The following NPSR1 variants were observed in gnomAD, a reference collection of about 807,000 sequenced individuals.
The protein encoded by NPSR1 is neuropeptide S receptor 1.
In NPSR1, 48 loss-of-function variants were observed where a neutral mutation model predicts 46.9. The ratio of observed to expected loss-of-function variants is 1.02; its 90% CI spans 0.81 to 1.30. The LOEUF (loss-of-function observed/expected upper bound fraction) is 1.30, where lower values mean the gene tolerates loss of function less well. Among genes scored for constraint, NPSR1 ranks in the 50% most tolerant of loss-of-function variants. NPSR1 has a pLI of 0.00. For synonymous variants in NPSR1, 176 were observed against 168.1 expected (o/e 1.05, Z -0.36); for missense variants, 450 against 449.5 (o/e 1.00, Z -0.01).
At chr7:34,811,930 A>G (rs1301933424) in intron 4 of NPSR1, 67 bp downstream of exon 4, 38 of 990,730 alleles carry the variant, frequency 3.8e-5, no homozygotes, top group Non-Finnish European at 5.7e-5. Context: ...GATCATTTTC[A>G]CTAATATTTT....
At chr7:34,747,353 G>A (rs139018693) in intron 2 of NPSR1, among the ~76,000 whole-genome samples, 103 of 152,244 alleles carry the variant, frequency 6.8e-4, no homozygotes, top group African/African-American at 2.4e-3. Context: ...ATGCCTATGC[G>A]AGTGTCTAGG....
chr7:34,847,016 C>A (rs532599529), intron 7 of NPSR1, among the ~76,000 whole-genome samples: 2 of 152,130 alleles, frequency 1.3e-5, no homozygotes, highest in African/African-American at 4.8e-5. Context: ...GCCATTTGCC[C>A]CCTTAGTGCC....
chr7:34,676,006 C>T (rs923913406), intron 1 of NPSR1, among the ~76,000 whole-genome samples: 6 of 152,148 alleles, frequency 3.9e-5, no homozygotes, highest in African/African-American at 1.4e-4. Flanking sequence ...TGTTGGGACA[C>T]CATCAGCACA....
intron 4 of NPSR1, among the ~76,000 whole-genome samples, chr7:34,827,127 A>G (rs972168359): frequency 1.3e-5 from 2 of 152,262 alleles, no homozygotes; most frequent in African/African-American, 4.8e-5. Context: ...ATGCGTCAGC[A>G]TCTCAAGTCA....
chr7:34,867,094 C>G (rs374996454), intron 8 of NPSR1, among the ~76,000 whole-genome samples: 3 of 151,644 alleles, frequency 2.0e-5, no homozygotes. Flanking sequence ...AGCACAAGTA[C>G]CCATAAACAT....
At chr7:34,853,934 C>A, downstream of NPSR1, among the ~76,000 whole-genome samples, 1 of 150,910 alleles carries the variant, frequency 6.6e-6, no homozygotes, top group South Asian at 2.1e-4. Flanking sequence ...CCATTGCACT[C>A]TGGCCTGGGC....
intron 2 of NPSR1, among the ~76,000 whole-genome samples, chr7:34,719,963 CACTT>C (rs776869416): frequency 3.3e-5 from 5 of 151,366 alleles, no homozygotes; most frequent in Non-Finnish European, 7.4e-5. Context: ...GCCCATGCCA[CACTT>C]AGTTTCAAAA....
intron 2 of NPSR1, among the ~76,000 whole-genome samples, chr7:34,745,381 A>G (rs1472488801): frequency 6.6e-6 from 1 of 152,128 alleles, no homozygotes; most frequent in Non-Finnish European, 1.5e-5. Context: ...CAACATATTC[A>G]TTGAGATTCT....
intron 3 of NPSR1, among the ~76,000 whole-genome samples, chr7:34,802,193 T>C (rs2128747713): frequency 6.6e-6 from 1 of 150,528 alleles, no homozygotes; most frequent in South Asian, 2.1e-4. Flanking sequence ...AATGACTTTC[T>C]TCACAGAATT....
intron 3 of NPSR1, chr7:34,779,642 G>C: frequency 8.7e-7 from 1 of 1,144,166 alleles, no homozygotes; most frequent in Non-Finnish European, 1.1e-6. Flanking sequence ...TGGTATGTCT[G>C]AAAGAGCCTT....
chr7:34,827,351 C>T lies in NPSR1; in HGVS notation c.479-50C>T, dbSNP rs1012436696. On this transcript the variant is annotated intron_variant, in intron 4 of 8. Coordinates refer to ENST00000360581, the MANE Select transcript of NPSR1 (RefSeq NM_207172.2). ...TTCTATAGCAGACTCCATTGTGCTC[C>T]CAAAAATGGTTGCCACATACCCAGA... The T allele has an allele frequency of 1.9e-6, 3 of 1,557,914 alleles. No individual in the cohort carries two copies. The African/African-American group carries it at 4.1e-5, about 21-fold the overall frequency.
At chr7:34,749,474 C>T (rs1449442907) in intron 2 of NPSR1, among the ~76,000 whole-genome samples, 1 of 152,142 alleles carries the variant, frequency 6.6e-6, no homozygotes, top group Non-Finnish European at 1.5e-5. Context: ...TATACCCACC[C>T]TAATTTTATA....
At chr7:34,833,483 G>A (rs866280312) in intron 5 of NPSR1, among the ~76,000 whole-genome samples, 1 of 152,158 alleles carries the variant, frequency 6.6e-6, no homozygotes, top group Non-Finnish European at 1.5e-5. Context: ...ACCGTACTTG[G>A]CACTTTAAAT....
At chr7:34,705,381 C>G (rs1794050519) in intron 2 of NPSR1, among the ~76,000 whole-genome samples, 1 of 149,228 alleles carries the variant, frequency 6.7e-6, no homozygotes, top group South Asian at 2.1e-4. Context: ...GAGCAGGGAT[C>G]ACGCCACTGC....
intron 3 of NPSR1, among the ~76,000 whole-genome samples, chr7:34,799,066 T>C (rs1788341686): frequency 6.6e-6 from 1 of 152,042 alleles, no homozygotes. Flanking sequence ...AAAAGAAATG[T>C]AGGCCTAAAG....
At chr7:34,792,688 T>TTTATATATATATAC (rs1562733246) in intron 3 of NPSR1, among the ~76,000 whole-genome samples, 24 of 115,476 alleles carry the variant, frequency 2.1e-4, no homozygotes, top group African/African-American at 6.9e-4. Context: ...TATATATATA[T>TTTATATATATATAC]GTATATATAT....
intron 2 of NPSR1, among the ~76,000 whole-genome samples, chr7:34,720,881 G>GA (rs530526576): frequency 3.3e-5 from 5 of 151,332 alleles, no homozygotes; most frequent in East Asian, 3.9e-4. Context: ...CTATTTTTGA[G>GA]AAAAAAATAG....
chr7:34,874,285 T>C (rs4087728), intron 8 of NPSR1, among the ~76,000 whole-genome samples: 8 of 152,314 alleles, frequency 5.3e-5, no homozygotes, highest in South Asian at 2.1e-4. Flanking sequence ...AACAATAATA[T>C]TGCCTGTCAG....
Position 34,658,461 on chromosome 7 carries a change from C to G in NPSR1, c.49C>G (p.Gln17Glu), listed in dbSNP as rs775791206. Reference protein sequence around the residue: ...EGSFDSSGTGQTLDSSPVACT... With the variant: ...EGSFDSSGTGETLDSSPVACT... ...CAGCTTCGATTCCAGTGGGACCGGGCAGACGCTGGATTCTTCCCCAGTGGC... is the reference window on the plus strand; with the variant it reads ...CAGCTTCGATTCCAGTGGGACCGGGGAGACGCTGGATTCTTCCCCAGTGGC... Residue 17 changes from glutamine to glutamate, a missense_variant, in exon 1 of 9, where the codon CAG (glutamine) becomes GAG (glutamate). Transcript: ENST00000360581. 9.9e-6 allele frequency: 16 copies of G among 1,614,020 alleles called. No individual in the cohort carries two copies. The Admixed American group carries it at 2.7e-4, about 27-fold the overall frequency.
Sources: allele counts gnomAD v4.1 joint callset (sites outside exome capture counted in the v4.1 genomes callset), GRCh38; gene constraint gnomAD v4.1.1; transcripts MANE v1.5; gene names NCBI Gene and HGNC (gene_info 2026-07-23, HGNC 2026-07-21).